Variants in RMST observed in about 807,000 individuals in gnomAD.
RMST encodes rhabdomyosarcoma 2 associated transcript.
intron 10 of RMST, among the ~76,000 whole-genome samples, chr12:97,525,599 GAC>G (rs1414103614): frequency 1.3e-5 from 2 of 152,102 alleles, no homozygotes; most frequent in African/African-American, 2.4e-5. Flanking sequence ...TTTCCCTACT[GAC>G]ACAACCAGTG....
intron 5 of RMST, among the ~76,000 whole-genome samples, chr12:97,466,869 T>C (rs1255191801): frequency 2.0e-5 from 3 of 152,100 alleles, no homozygotes; most frequent in African/African-American, 4.8e-5. Context: ...AGCAATTGCA[T>C]TGAACTCTTG....
chr12:97,531,061 T>C (rs181502018), intron 11 of RMST, among the ~76,000 whole-genome samples: 1 of 151,970 alleles, frequency 6.6e-6, no homozygotes, highest in Admixed American at 6.6e-5. Context: ...AAACAGCTTT[T>C]GATGATGAAA....
chr12:97,504,674 A>C (rs1019812280), intron 10 of RMST, among the ~76,000 whole-genome samples: 16 of 152,194 alleles, frequency 1.1e-4, no homozygotes, highest in African/African-American at 3.9e-4. Flanking sequence ...TTTTGTGAAC[A>C]TGAAGAAAAA....
chr12:97,538,411 CT>C (rs1401227773), intron 11 of RMST, among the ~76,000 whole-genome samples: 3 of 151,448 alleles, frequency 2.0e-5, no homozygotes, highest in East Asian at 3.9e-4. Flanking sequence ...TTAATCTTTA[CT>C]TTCTGCTGTG....
At chr12:97,558,104 G>T (rs11109106) in intron 11 of RMST, among the ~76,000 whole-genome samples, 36,604 of 151,602 alleles carry the variant, frequency 0.24, 5,479 homozygotes, top group African/African-American at 0.41. Context: ...CCTCCTCCTC[G>T]TTCTTCTTAC....
chr12:97,560,097 T>C (rs1448787166), intron 11 of RMST, among the ~76,000 whole-genome samples: 5 of 151,560 alleles, frequency 3.3e-5, no homozygotes, highest in African/African-American at 1.2e-4. Flanking sequence ...TTGAAGTTCA[T>C]GAAGACTTAA....
intron 5 of RMST, among the ~76,000 whole-genome samples, chr12:97,469,389 G>C (rs142894091): frequency 5.9e-5 from 9 of 151,934 alleles, no homozygotes; most frequent in African/African-American, 2.2e-4. Context: ...CACTAAATTG[G>C]TTTTACTGTT....
intron 10 of RMST, among the ~76,000 whole-genome samples, chr12:97,522,694 A>G (rs7963257): frequency 0.12 from 17,560 of 152,118 alleles, 1,542 homozygotes; most frequent in East Asian, 0.25. Context: ...TTAGAAATAC[A>G]AATGCATTTC....
chr12:97,490,777 G>A (rs567155932), intron 5 of RMST, among the ~76,000 whole-genome samples: 1 of 152,090 alleles, frequency 6.6e-6, no homozygotes, highest in South Asian at 2.1e-4. Context: ...AATTTGAATG[G>A]TAATTTAAAA....
intron 11 of RMST, among the ~76,000 whole-genome samples, chr12:97,537,517 G>T (rs1014856931): frequency 6.6e-6 from 1 of 151,138 alleles, no homozygotes; most frequent in African/African-American, 2.4e-5. Flanking sequence ...GAAGAATCTC[G>T]CTTTTTTGCA....
intron 11 of RMST, among the ~76,000 whole-genome samples, chr12:97,537,109 C>A (rs1882132945): frequency 6.6e-6 from 1 of 151,320 alleles, no homozygotes; most frequent in Non-Finnish European, 1.5e-5. Flanking sequence ...ATTCTAATTA[C>A]AAATGAAAGT....
At chr12:97,527,648 A>G (rs1881243613) in intron 10 of RMST, among the ~76,000 whole-genome samples, 1 of 150,152 alleles carries the variant, frequency 6.7e-6, no homozygotes, top group Admixed American at 6.6e-5. Flanking sequence ...ATAAGCAGCC[A>G]TAAAAAAGGC....
chr12:97,472,094 G>A (rs1244205311), intron 5 of RMST, among the ~76,000 whole-genome samples: 1 of 152,118 alleles, frequency 6.6e-6, no homozygotes, highest in Admixed American at 6.6e-5. Flanking sequence ...AAGGCTGTAA[G>A]TGACGCACGA....
intron 5 of RMST, among the ~76,000 whole-genome samples, chr12:97,480,884 T>C (rs545831332): frequency 6.6e-6 from 1 of 152,278 alleles, no homozygotes; most frequent in South Asian, 2.1e-4. Context: ...CCCTTATGTG[T>C]CCTGTCCCCA....
At chr12:97,508,788 G>A (rs1565926877) in intron 10 of RMST, among the ~76,000 whole-genome samples, 1 of 152,168 alleles carries the variant, frequency 6.6e-6, no homozygotes, top group East Asian at 1.9e-4. Flanking sequence ...TTTAACAGAA[G>A]GACAGGAGGC....
intron 11 of RMST, among the ~76,000 whole-genome samples, chr12:97,536,119 T>C (rs1326624948): frequency 6.6e-6 from 1 of 151,558 alleles, no homozygotes; most frequent in Non-Finnish European, 1.5e-5. Context: ...TGTCTCTGTA[T>C]TTTATAATTC....
intron 5 of RMST, among the ~76,000 whole-genome samples, chr12:97,481,445 A>G (rs762663847): frequency 1.3e-5 from 2 of 152,186 alleles, no homozygotes; most frequent in Non-Finnish European, 2.9e-5. Flanking sequence ...TCAGTCACAT[A>G]CTAAGAACAC....
chr12:97,525,980 T>A (rs1274207268), intron 10 of RMST, among the ~76,000 whole-genome samples: 1 of 151,954 alleles, frequency 6.6e-6, no homozygotes, highest in Non-Finnish European at 1.5e-5. Context: ...GTGCACTCCT[T>A]ATGAGAATCT....
chr12:97,547,713 G>A (rs188861044), intron 11 of RMST, among the ~76,000 whole-genome samples: 21 of 152,100 alleles, frequency 1.4e-4, no homozygotes, highest in Non-Finnish European at 2.1e-4. Context: ...GTCTATTCAG[G>A]TGCTTTGCTC....
Sources: gnomAD v4.1 joint callset for allele counts (sites outside exome capture counted in the v4.1 genomes callset) on GRCh38, gnomAD v4.1.1 for gene constraint, MANE v1.5 for transcripts, NCBI Gene and HGNC (gene_info 2026-07-23, HGNC 2026-07-21) for gene names.